Variants in PCDH7 observed in about 807,000 individuals in gnomAD.
PCDH7 encodes the protein protocadherin-7.
PCDH7 carries 17 observed loss-of-function variants against 58.9 expected under a neutral mutation model. The observed-to-expected ratio is 0.29, with a 90% CI of 0.20 to 0.43. PCDH7 has a LOEUF of 0.43. PCDH7 is among the 20% of genes least tolerant of loss of function. The pLI is 1.00. For missense variants in PCDH7, 1,274 were observed against 1,441.0 expected, an observed-to-expected ratio of 0.88 and a Z score of 1.88; for synonymous variants, 664 against 616.4, an observed-to-expected ratio of 1.08 and a Z score of -1.14.
intron 3 of PCDH7, among the ~76,000 whole-genome samples, chr4:30,981,745 T>C (rs1279890089): frequency 6.6e-6 from 1 of 152,226 alleles, no homozygotes; most frequent in East Asian, 1.9e-4. Context: ...AGTCTTCTCA[T>C]GCCAGTGTCG....
At chr4:31,120,902 G>A (rs935725473) in intron 3 of PCDH7, among the ~76,000 whole-genome samples, 1 of 152,248 alleles carries the variant, frequency 6.6e-6, no homozygotes, top group Non-Finnish European at 1.5e-5. Context: ...ATTCAATAAA[G>A]AAGATGCCTT....
At chr4:30,736,758 G>C (rs1171411906), downstream of PCDH7, among the ~76,000 whole-genome samples, 8 of 151,892 alleles carry the variant, frequency 5.3e-5, no homozygotes, top group East Asian at 1.6e-3. Context: ...GGATGGTCTC[G>C]ATATCTTGAC....
At chr4:30,850,974 T>C (rs987393404) in intron 1 of PCDH7, among the ~76,000 whole-genome samples, 4 of 152,104 alleles carry the variant, frequency 2.6e-5, no homozygotes, top group African/African-American at 9.7e-5. Flanking sequence ...TTTCCTCCCT[T>C]ATTCAGACTG....
chr4:31,132,077 T>G (rs61794146), intron 3 of PCDH7, among the ~76,000 whole-genome samples: 4,571 of 152,234 alleles, frequency 0.03, 178 homozygotes, highest in East Asian at 0.19. Flanking sequence ...TGATGTCTAC[T>G]GTAGTGATAC....
At chr4:31,011,086 C>G (rs1055681728) in intron 3 of PCDH7, among the ~76,000 whole-genome samples, 1 of 151,790 alleles carries the variant, frequency 6.6e-6, no homozygotes, top group African/African-American at 2.4e-5. Context: ...TGTATAAGAT[C>G]CCTCAATTAA....
intron 1 of PCDH7, among the ~76,000 whole-genome samples, chr4:30,815,097 C>T (rs1376206009): frequency 6.6e-6 from 1 of 151,788 alleles, no homozygotes; most frequent in Non-Finnish European, 1.5e-5. Context: ...ATATATAGGT[C>T]TTTTTAAATC....
At chr4:30,752,419 G>A in intron 1 of PCDH7, among the ~76,000 whole-genome samples, 1 of 152,186 alleles carries the variant, frequency 6.6e-6, no homozygotes, top group Non-Finnish European at 1.5e-5. Flanking sequence ...TCACACCCAA[G>A]TAGGTGATAC....
At chr4:30,861,586 A>T (rs1163341778) in intron 1 of PCDH7, among the ~76,000 whole-genome samples, 4 of 152,210 alleles carry the variant, frequency 2.6e-5, no homozygotes, top group Non-Finnish European at 5.9e-5. Flanking sequence ...TCTAAAATTT[A>T]TGATTACTAA....
intron 1 of PCDH7, among the ~76,000 whole-genome samples, chr4:30,742,089 A>C (rs1717157497): frequency 1.3e-5 from 2 of 152,312 alleles, no homozygotes; most frequent in South Asian, 2.1e-4. Context: ...AGTAAAAAAT[A>C]GTGTAAACAC....
At chr4:30,873,330 A>G (rs1735856087) in intron 1 of PCDH7, among the ~76,000 whole-genome samples, 1 of 152,124 alleles carries the variant, frequency 6.6e-6, no homozygotes, top group Non-Finnish European at 1.5e-5. Context: ...TATGTATTAT[A>G]TCTGGGGATT....
intron 3 of PCDH7, among the ~76,000 whole-genome samples, chr4:30,963,794 G>A (rs1282775448): frequency 2.6e-5 from 4 of 152,096 alleles, no homozygotes; most frequent in Non-Finnish European, 5.9e-5. Flanking sequence ...TTTTCAAGCC[G>A]AGGGAAATTT....
intron 1 of PCDH7, among the ~76,000 whole-genome samples, chr4:30,832,580 A>AT (rs1201885482): frequency 6.6e-6 from 1 of 152,108 alleles, no homozygotes; most frequent in Non-Finnish European, 1.5e-5. Context: ...CCTTGTAACA[A>AT]TGTTGTTAGG....
At chr4:30,994,687 C>T (rs1017322583) in intron 3 of PCDH7, among the ~76,000 whole-genome samples, 1 of 152,038 alleles carries the variant, frequency 6.6e-6, no homozygotes, top group African/African-American at 2.4e-5. Context: ...ACTATTTATT[C>T]AATGTTTTGG....
intron 1 of PCDH7, among the ~76,000 whole-genome samples, chr4:30,892,468 G>A (rs1425532120): frequency 1.3e-5 from 2 of 151,904 alleles, no homozygotes; most frequent in East Asian, 3.9e-4. Flanking sequence ...TAACTGAGAA[G>A]GCATTAAGAC....
chr4:31,013,596 C>CACAT (rs1167804762), intron 3 of PCDH7, among the ~76,000 whole-genome samples: 1 of 149,300 alleles, frequency 6.7e-6, no homozygotes, highest in African/African-American at 2.5e-5. Flanking sequence ...ATTTTATACA[C>CACAT]ACACACACAC....
At chr4:30,905,119 G>A (rs574510449) in intron 1 of PCDH7, among the ~76,000 whole-genome samples, 5 of 152,272 alleles carry the variant, frequency 3.3e-5, no homozygotes, top group South Asian at 2.1e-4. Context: ...TAACATGCAC[G>A]TTTCATTTTC....
chr4:30,993,992 A>G (rs567331365), intron 3 of PCDH7, among the ~76,000 whole-genome samples: 1 of 152,288 alleles, frequency 6.6e-6, no homozygotes, highest in South Asian at 2.1e-4. Flanking sequence ...GAATATTAAC[A>G]TGGGCAGTGA....
At chr4:30,774,196 C>G (rs1057407172) in intron 1 of PCDH7, among the ~76,000 whole-genome samples, 3 of 152,062 alleles carry the variant, frequency 2.0e-5, no homozygotes, top group Admixed American at 6.6e-5. Context: ...GTGTATATAC[C>G]TACATATTCC....
intron 3 of PCDH7, among the ~76,000 whole-genome samples, chr4:31,011,137 A>C (rs549065089): frequency 6.6e-6 from 1 of 152,130 alleles, no homozygotes; most frequent in East Asian, 1.9e-4. Context: ...AGCAGACAGT[A>C]GGTTCTATAG....
Sources: allele counts gnomAD v4.1 joint callset (sites outside exome capture counted in the v4.1 genomes callset), GRCh38; gene constraint gnomAD v4.1.1; transcripts MANE v1.5; gene names NCBI Gene and HGNC (gene_info 2026-07-23, HGNC 2026-07-21).